Variants in MAL observed in about 807,000 individuals in gnomAD.
MAL encodes the protein myelin and lymphocyte protein.
A neutral mutation model predicts 16.7 loss-of-function variants in MAL; 5 were observed. The observed-to-expected ratio is 0.30, with a 90% CI of 0.16 to 0.63. The LOEUF is 0.63. MAL is among the 30% of genes least tolerant of loss of function. The pLI is 0.82. For synonymous variants in MAL, 96 were observed against 85.5 expected (o/e 1.12, Z -0.67); for missense variants, 202 against 195.8 (o/e 1.03, Z -0.19).
chr2:95,035,970 C>T (rs114909760), intron 1 of MAL, among the ~76,000 whole-genome samples: 183 of 152,312 alleles, frequency 1.2e-3, no homozygotes, highest in African/African-American at 4.3e-3. Context: ...TGCCCAGCAA[C>T]AGCTCTTCGA....
At position 95,049,589 on chromosome 2, in the gene MAL, C is replaced by T. The variant is rs1190579553; in HGVS notation, c.270C>T (p.Ala90=). Residue 90 remains alanine, a synonymous_variant, in exon 3 of 4, where the codon GCC becomes GCT. Transcript: ENST00000309988. ...GETSWVTLDA[A]YHCTAALFYL... is the part of the protein sequence containing the mutation. ...CCCCGTCTGCCCCATAGGACGCAGC[C>T]TACCACTGCACCGCTGCCCTCTTTT... The T allele has an allele frequency of 1.2e-6, 2 of 1,614,210 alleles. No homozygotes were observed. The highest frequency in any genetic ancestry group is 2.2e-5 in the East Asian group (1 of 44,878).
intron 1 of MAL, among the ~76,000 whole-genome samples, chr2:95,033,409 CATT>C (rs1345652052): frequency 6.6e-6 from 1 of 152,104 alleles, no homozygotes; most frequent in African/African-American, 2.4e-5. Context: ...TATTGAGACT[CATT>C]GTTTCAGTGG....
intron 1 of MAL, among the ~76,000 whole-genome samples, chr2:95,027,166 C>A (rs552241119): frequency 6.6e-6 from 1 of 152,308 alleles, no homozygotes; most frequent in Non-Finnish European, 1.5e-5. Context: ...CCCCGCTGGC[C>A]TCCTTTTAGA....
intron 1 of MAL, among the ~76,000 whole-genome samples, chr2:95,028,329 A>G (rs1329806127): frequency 6.6e-6 from 1 of 152,082 alleles, no homozygotes; most frequent in Admixed American, 6.5e-5. Context: ...TCTCAAAAAA[A>G]TAAATTAATA....
rs775591411 is a variant in MAL at position 95,025,760 on chromosome 2, G to C, written c.-33G>C. 1.4e-6 allele frequency: 2 copies of C among 1,468,250 alleles called. No individual in the cohort carries two copies. Among genetic ancestry groups the C allele is most frequent in the East Asian group, 2.7e-5 (1 of 36,546 alleles). 91.0% of individuals were successfully genotyped at this position (1,468,250 alleles called of 1,614,324 possible). On this transcript the variant is annotated 5_prime_UTR_variant, in exon 1 of 4. Transcript: ENST00000309988. The surrounding 1 kb of genome is among the most constrained non-coding windows in gnomAD (Gnocchi z 5.6). ...TCTGCGCGGAGTCTGAGCGGCGCTC[G>C]TCCCGTCCCAAGGCCGACGCCAGCA...
At chr2:95,045,330 C>G (rs918765747) in intron 1 of MAL, among the ~76,000 whole-genome samples, 1 of 152,202 alleles carries the variant, frequency 6.6e-6, no homozygotes, top group African/African-American at 2.4e-5. Flanking sequence ...ATGTGCAACC[C>G]AAGCTGCTCC....
At chr2:95,037,504 CTGAG>C (rs374753619) in intron 1 of MAL, among the ~76,000 whole-genome samples, 64 of 93,454 alleles carry the variant, frequency 6.8e-4, no homozygotes, top group East Asian at 2.0e-3. Flanking sequence ...GACTGAGTGA[CTGAG>C]TGAGTGAGTG....
intron 1 of MAL, among the ~76,000 whole-genome samples, chr2:95,029,199 A>G (rs1674019729): frequency 1.3e-5 from 2 of 152,250 alleles, no homozygotes; most frequent in Non-Finnish European, 2.9e-5. Context: ...TATTAAGGAA[A>G]TGAAGCTTTC....
chr2:95,041,627 C>T (rs761080702), intron 1 of MAL, among the ~76,000 whole-genome samples: 20 of 152,210 alleles, frequency 1.3e-4, no homozygotes, highest in Non-Finnish European at 2.1e-4. Flanking sequence ...CAATAACTTG[C>T]CCAGGGACAG....
chr2:95,040,811 G>A lies in MAL; in HGVS notation c.94-7148G>A, dbSNP rs74427302. Among the ~76,000 whole-genome samples, 1,179 of 152,252 alleles carry A rather than the reference G, an allele frequency of 7.7e-3. 15 individuals are homozygous for A. The highest frequency in any genetic ancestry group is 0.027 in the African/African-American group (1,133 of 41,546). On this transcript the variant is annotated intron_variant, in intron 1 of 3. Transcript: ENST00000309988. Reference sequence around the variant, plus strand: ...TTGCCACTTGACCTAAGTGGCAGGGGAGCTCAACAATGGTGCACAGCCTCT... The same window carrying A: ...TTGCCACTTGACCTAAGTGGCAGGGAAGCTCAACAATGGTGCACAGCCTCT...
In MAL at chr2:95,025,762, C is replaced by A. The variant is rs763188371; in HGVS notation, c.-31C>A. On this transcript the variant is annotated 5_prime_UTR_variant, in exon 1 of 4. Coordinates refer to ENST00000309988, the MANE Select transcript of MAL (RefSeq NM_002371.4). This position sits in a 1 kb window ranked among gnomAD's most constrained non-coding sequence, Gnocchi z 5.6. ...TGCGCGGAGTCTGAGCGGCGCTCGTCCCGTCCCAAGGCCGACGCCAGCACG... is the reference window on the plus strand; with the variant it reads ...TGCGCGGAGTCTGAGCGGCGCTCGTACCGTCCCAAGGCCGACGCCAGCACG... The A allele has an allele frequency of 8.8e-6, 13 of 1,476,738 alleles. No homozygotes were observed. In the African/African-American group the frequency reaches 1.6e-4, roughly 18 times the overall value. 91.5% of individuals were successfully genotyped at this position (1,476,738 alleles called of 1,614,324 possible).
At chr2:95,037,392 GTGAGTGAGTGAC>G (rs1176179218) in intron 1 of MAL, among the ~76,000 whole-genome samples, 282 of 151,544 alleles carry the variant, frequency 1.9e-3, no homozygotes, top group African/African-American at 6.5e-3. Flanking sequence ...GATTGACTGA[GTGAGTGAGTGAC>G]TGAGTGAGTG....
chr2:95,043,462 G>A (rs1674516677), intron 1 of MAL, among the ~76,000 whole-genome samples: 1 of 152,242 alleles, frequency 6.6e-6, no homozygotes, highest in Non-Finnish European at 1.5e-5. Flanking sequence ...GGAAGCTGGG[G>A]CCAAGAGGCA....
intron 1 of MAL, among the ~76,000 whole-genome samples, chr2:95,027,954 T>C (rs1673983786): frequency 6.6e-6 from 1 of 151,992 alleles, no homozygotes; most frequent in African/African-American, 2.4e-5. Flanking sequence ...GATACACAAA[T>C]GGCCAATATG....
intron 3 of MAL, among the ~76,000 whole-genome samples, chr2:95,052,454 C>T (rs1674740355): frequency 6.6e-6 from 1 of 152,220 alleles, no homozygotes; most frequent in Non-Finnish European, 1.5e-5. Context: ...AGCTTACTCA[C>T]CGCCTCCAGG....
rs190628237 is a variant in MAL, at chr2:95,040,230, C to G, written c.94-7729C>G. Among the ~76,000 whole-genome samples the G allele has an allele frequency of 2.0e-5, 3 of 152,148 alleles. No homozygotes were observed. The East Asian group carries it at 5.8e-4, about 29-fold the overall frequency. ...ACATGCACACATACATATACACATGCATATGCGGCACCATACACATACATA... is the reference window on the plus strand; with the variant it reads ...ACATGCACACATACATATACACATGGATATGCGGCACCATACACATACATA... On this transcript the variant is annotated intron_variant, in intron 1 of 3. Coordinates refer to ENST00000309988, the MANE Select transcript of MAL (RefSeq NM_002371.4).
rs1394354644 is a variant in MAL, at chr2:95,046,887, G to A, written c.94-1072G>A. 3.3e-5 allele frequency among the ~76,000 whole-genome samples: 5 copies of A among 149,404 alleles called. 1 individual carries two copies. The highest frequency in any genetic ancestry group is 9.9e-5 in the African/African-American group (4 of 40,502). Reference sequence around the variant, plus strand: ...AGAGAAAGAGAAAGGGAGAGAGAGAGAGAAAAGAAAGAGAGAGAGAGAAAG... The same window carrying A: ...AGAGAAAGAGAAAGGGAGAGAGAGAAAGAAAAGAAAGAGAGAGAGAGAAAG... On this transcript the variant is annotated intron_variant, in intron 1 of 3. Transcript: ENST00000309988.
chr2:95,033,144 AGGGAGGCCCAC>A (rs1674127486), intron 1 of MAL, among the ~76,000 whole-genome samples: 1 of 152,024 alleles, frequency 6.6e-6, no homozygotes, highest in Admixed American at 6.5e-5. Flanking sequence ...ACCAACTTGG[AGGGAGGCCCAC>A]GGGGGGCCCG....
intron 2 of MAL, among the ~76,000 whole-genome samples, chr2:95,048,667 A>G (rs1231180467): frequency 6.6e-6 from 1 of 152,264 alleles, no homozygotes; most frequent in Non-Finnish European, 1.5e-5. Flanking sequence ...GGTAACTTTT[A>G]CATGTAGGAC....
Sources: allele counts gnomAD v4.1 joint callset (sites outside exome capture counted in the v4.1 genomes callset), GRCh38; gene constraint gnomAD v4.1.1; non-coding constraint Gnocchi (gnomAD v3.1); transcripts MANE v1.5; gene names NCBI Gene and HGNC (gene_info 2026-07-23, HGNC 2026-07-21).